Variants in VAV1 observed in about 807,000 individuals in gnomAD.
The protein encoded by VAV1 is proto-oncogene vav.
A neutral mutation model predicts 128.1 loss-of-function variants in VAV1; 33 were observed. The ratio of observed to expected loss-of-function variants is 0.26; its 90% CI spans 0.20 to 0.34. The LOEUF (loss-of-function observed/expected upper bound fraction) is 0.34. Among genes scored for constraint, VAV1 ranks in the 10% least tolerant of loss-of-function variants. The probability of loss-of-function intolerance (pLI) is 1.00; values close to 1 mark genes in which losing one functional copy is unlikely to be tolerated. For synonymous variants in VAV1, 394 were observed against 409.8 expected (o/e 0.96, Z 0.47); for missense variants, 715 against 1,093.7 (o/e 0.65, Z 4.88).
intron 1 of VAV1, among the ~76,000 whole-genome samples, chr19:6,808,796 T>G (rs1971452669): frequency 6.6e-6 from 1 of 152,204 alleles, no homozygotes; most frequent in African/African-American, 2.4e-5. Context: ...GGCAGATAGG[T>G]GATCTCTGTG....
Position 6,836,873 on chromosome 19 carries a change from C to T in VAV1, c.1915-112C>T, listed in dbSNP as rs543020041. The T allele has an allele frequency of 5.4e-3, 3,160 of 587,094 alleles. 101 individuals are homozygous for T. The African/African-American group carries it at 0.083, about 15-fold the overall frequency. 36.4% of individuals were successfully genotyped at this position (587,094 alleles called of 1,614,324 possible). Reference sequence around the variant, plus strand: ...ACACACACACACACACACACACACACACACACGAGTGATGGGGCAGGATCC... The same window carrying T: ...ACACACACACACACACACACACACATACACACGAGTGATGGGGCAGGATCC... On this transcript the variant is annotated intron_variant, in intron 20 of 26. Coordinates refer to ENST00000602142, the MANE Select transcript of VAV1 (RefSeq NM_005428.4).
intron 23 of VAV1, among the ~76,000 whole-genome samples, chr19:6,849,377 C>G (rs1972609708): frequency 6.8e-6 from 1 of 147,538 alleles, no homozygotes; most frequent in African/African-American, 2.6e-5. Context: ...CAAACTCCAC[C>G]TCCCAGGTTC....
chr19:6,840,543 C>T (rs394436), intron 21 of VAV1, among the ~76,000 whole-genome samples: 1 of 151,868 alleles, frequency 6.6e-6, no homozygotes, highest in African/African-American at 2.4e-5. Flanking sequence ...TTGTGTTCCT[C>T]CCGCTTCGGC....
At chr19:6,827,016 G>A (rs761065913) in intron 9 of VAV1, 4 of 354,128 alleles carry the variant, frequency 1.1e-5, no homozygotes, top group Non-Finnish European at 1.6e-5. Flanking sequence ...ACCCCAAGTC[G>A]GGCTGAGCTC....
chr19:6,788,959 G>A (rs1222489762), intron 1 of VAV1, among the ~76,000 whole-genome samples: 1 of 152,232 alleles, frequency 6.6e-6, no homozygotes, highest in Non-Finnish European at 1.5e-5. Flanking sequence ...TGTGGGGCCG[G>A]ATCATTTTCT....
At position 6,826,469 on chromosome 19, in the gene VAV1, A is replaced by G. The variant is rs1971921234; in HGVS notation, c.828-143A>G. On this transcript the variant is annotated intron_variant, in intron 8 of 26. Coordinates refer to ENST00000602142, the MANE Select transcript of VAV1 (RefSeq NM_005428.4). The surrounding 1 kb of genome is among the most constrained non-coding windows in gnomAD (Gnocchi z 4.1). ...ACAATAGCCTCACATGGGAGATGCT[A>G]TTGTTATGCCCATTTCACAGATGGA... 1.6e-6 allele frequency: 1 copy of G among 636,348 alleles called. No individual in the cohort carries two copies. The highest frequency in any genetic ancestry group is 1.8e-5 in the African/African-American group (1 of 55,234). 39.4% of individuals were successfully genotyped at this position (636,348 alleles called of 1,614,324 possible).
chr19:6,819,097 CAA>C (rs1296432754), intron 1 of VAV1, among the ~76,000 whole-genome samples: 1 of 151,998 alleles, frequency 6.6e-6, no homozygotes, highest in Admixed American at 6.6e-5. Context: ...GCCTGGCGGA[CAA>C]AGTGAGACTC....
chr19:6,836,572 C>T lies in VAV1; in HGVS notation c.1914+4C>T, dbSNP rs746507744. 19 of 1,613,770 alleles carry T rather than the reference C, an allele frequency of 1.2e-5. No individual in the cohort carries two copies. In the South Asian group the frequency reaches 2.0e-4, roughly 17 times the overall value. Reference sequence around the variant, plus strand: ...GGCTGAACAGAACTGGTGGGAGGTACAGGCTGGGGCCACAAGAGTGATGGG... The same window carrying T: ...GGCTGAACAGAACTGGTGGGAGGTATAGGCTGGGGCCACAAGAGTGATGGG... On this transcript the variant is annotated splice_donor_region_variant and intron_variant, in intron 20 of 26. Transcript: ENST00000602142.
chr19:6,800,794 G>T (rs1480733791), intron 1 of VAV1, among the ~76,000 whole-genome samples: 8 of 143,138 alleles, frequency 5.6e-5, no homozygotes, highest in African/African-American at 1.7e-4. Context: ...GCAAATTTTT[G>T]TGTGTGTGTG....
At chr19:6,825,198 C>T (rs1027559558) in intron 7 of VAV1, 77 bp downstream of exon 7, 16 of 1,574,842 alleles carry the variant, frequency 1.0e-5, no homozygotes, top group South Asian at 3.4e-5. Context: ...CCCTGGAGTA[C>T]GGGGGTTGGG....
rs768905072 is a variant in VAV1, at chr19:6,820,736, C to A, written c.239C>A (p.Ser80Tyr). ...CTTAAGAACATTAGAACCTTCCTGT[C>A]CACCTGCTGTGAGAAGTTCGGCCTC... ...LCLKNIRTFL[S>Y]TCCEKFGLKR... The change falls in exon 2 of 27, where the codon TCC (serine) becomes TAC (tyrosine). Residue 80 changes from serine to tyrosine, a missense_variant. Ser to Tyr is a moderately radical substitution (Grantham distance 144). This residue lies in a region of VAV1 where 302 missense variants were observed against 477.8 expected (regional missense o/e 0.63). Coordinates refer to ENST00000602142, the MANE Select transcript of VAV1 (RefSeq NM_005428.4). The surrounding 1 kb of genome is among the most constrained non-coding windows in gnomAD (Gnocchi z 4.4). 1 of 1,614,204 alleles carries A rather than the reference C, an allele frequency of 6.2e-7. No individual in the cohort carries two copies. The highest frequency in any genetic ancestry group is 8.5e-7 in the Non-Finnish European group (1 of 1,180,042).
At position 6,826,746 on chromosome 19, in the gene VAV1, G is replaced by A. The variant is rs535492965; in HGVS notation, c.927+35G>A. ...GGGCCACTTCTCGGGGGCCTCTCCC[G>A]CTCCTCCCCAGGCCCTGGGGGCAGC... is the stretch of plus-strand genomic sequence containing the variant. On this transcript the variant is annotated intron_variant, in intron 9 of 26. Transcript: ENST00000602142. The surrounding 1 kb of genome is among the most constrained non-coding windows in gnomAD (Gnocchi z 4.1). 3.6e-5 allele frequency: 54 copies of A among 1,498,114 alleles called. No homozygotes were observed. Among genetic ancestry groups the A allele is most frequent in the South Asian group, 2.2e-4 (18 of 83,268 alleles). The allele number at this position is 1,498,114 out of a possible 1,614,324, so 92.8% of individuals were successfully genotyped here.
intron 23 of VAV1, 79 bp from the exon 24 acceptor site, chr19:6,850,591 T>C: frequency 1.4e-6 from 2 of 1,421,634 alleles, no homozygotes; most frequent in Non-Finnish European, 2.0e-6. Flanking sequence ...GGGGTCAAGG[T>C]TGCTTCCTCC....
At chr19:6,794,391 G>A (rs1971082711) in intron 1 of VAV1, among the ~76,000 whole-genome samples, 1 of 152,160 alleles carries the variant, frequency 6.6e-6, no homozygotes, top group Admixed American at 6.6e-5. Context: ...TGTAATTTCA[G>A]CATTCTGGGA....
chr19:6,814,679 T>TCTTC lies in VAV1; in HGVS notation c.205-6020_205-6019insCCTT, dbSNP rs1568299240. On this transcript the variant is annotated intron_variant, in intron 1 of 26. Transcript: ENST00000602142. Reference sequence around the variant, plus strand: ...TCCTTCCTTCCTTCCTTCCTTTCTTTCTTTCTTTCTTTCTTTCTTTCTTTC... The same window carrying TCTTC: ...TCCTTCCTTCCTTCCTTCCTTTCTTTCTTCCTTTCTTTCTTTCTTTCTTTCTTTC... 9.8e-4 allele frequency among the ~76,000 whole-genome samples: 88 copies of TCTTC among 89,912 alleles called. 1 individual carries two copies. Among genetic ancestry groups the TCTTC allele is most frequent in the African/African-American group, 3.2e-3 (47 of 14,854 alleles). The allele number at this position is 89,912 out of a possible 152,430, so 59.0% of individuals were successfully genotyped here. A position where few individuals can be genotyped will look rare whatever the true frequency, so the allele number is the denominator to read the frequency against.
chr19:6,832,344 A>G, intron 15 of VAV1, 144 bp downstream of exon 15: 1 of 746,142 alleles, frequency 1.3e-6, no homozygotes, highest in Non-Finnish European at 2.2e-6. Context: ...TAAGAGGGAC[A>G]GGCCCAAGGC....
Position 6,804,088 on chromosome 19 carries a change from T to C in VAV1, c.205-16614T>C, listed in dbSNP as rs544259261. 8.5e-5 allele frequency among the ~76,000 whole-genome samples: 13 copies of C among 152,170 alleles called. No homozygotes were observed. In the East Asian group the frequency reaches 2.1e-3, roughly 25 times the overall value. On this transcript the variant is annotated intron_variant, in intron 1 of 26. Coordinates refer to ENST00000602142, the MANE Select transcript of VAV1 (RefSeq NM_005428.4). ...GAGGTTAGTGGAAAGGGGGTATGGA[T>C]AGGCAGAGCATGGAAGCTTTCCACG...
rs2144793970 is a variant in VAV1 at position 6,833,516 on chromosome 19, C to T, written c.1611-12C>T. The T allele has an allele frequency of 1.3e-6, 2 of 1,587,818 alleles. No homozygotes were observed. Among genetic ancestry groups the T allele is most frequent in the Non-Finnish European group, 8.6e-7 (1 of 1,166,708 alleles). ...GTCACTCGCTCTTCTTTATGTGTTCCCTGCATCTCAGAGGTACCTTCTATC... is the reference window on the plus strand; with the variant it reads ...GTCACTCGCTCTTCTTTATGTGTTCTCTGCATCTCAGAGGTACCTTCTATC... On this transcript the variant is annotated splice_polypyrimidine_tract_variant and intron_variant, in intron 16 of 26. Transcript: ENST00000602142.
At chr19:6,780,714 G>A (rs2144693970) in intron 1 of VAV1, among the ~76,000 whole-genome samples, 1 of 148,932 alleles carries the variant, frequency 6.7e-6, no homozygotes, top group African/African-American at 2.4e-5. Context: ...TGGGATTACA[G>A]GCACGTGCCA....
Sources: gnomAD v4.1 joint callset for allele counts (sites outside exome capture counted in the v4.1 genomes callset) on GRCh38, gnomAD v4.1.1 for gene constraint, gnomAD v4.1.1 regional missense constraint, Gnocchi (gnomAD v3.1) non-coding constraint, MANE v1.5 for transcripts, NCBI Gene and HGNC (gene_info 2026-07-23, HGNC 2026-07-21) for gene names.